Variants in C8orf34 observed in about 807,000 individuals in gnomAD.
The protein encoded by C8orf34 is chromosome 8 open reading frame 34.
Under a neutral mutation model 68.3 loss-of-function variants are expected in C8orf34, and 65 were observed. The observed-to-expected ratio is 0.95, with a 90% CI of 0.78 to 1.17. The LOEUF is 1.17. C8orf34 is among the 50% of genes most tolerant of loss of function. C8orf34 has a pLI of 0.00. For synonymous variants in C8orf34, 244 were observed against 241.2 expected (o/e 1.01, Z -0.11); for missense variants, 664 against 655.4 (o/e 1.01, Z -0.14).
chr8:68,394,086 CA>C (rs1462961042), intron 1 of C8orf34, among the ~76,000 whole-genome samples: 2 of 120,746 alleles, frequency 1.7e-5, no homozygotes, highest in African/African-American at 2.8e-5. Flanking sequence ...GTAGGCATGC[CA>C]TTTTTTTTTT....
At chr8:68,354,944 A>G (rs1194745894) in intron 1 of C8orf34, among the ~76,000 whole-genome samples, 2 of 152,098 alleles carry the variant, frequency 1.3e-5, no homozygotes, top group African/African-American at 4.8e-5. Context: ...CTGTTGAAGT[A>G]AACCAAGCAT....
chr8:68,511,593 A>C (rs1438200056), intron 5 of C8orf34, among the ~76,000 whole-genome samples: 6 of 152,184 alleles, frequency 3.9e-5, no homozygotes, highest in African/African-American at 1.4e-4. Flanking sequence ...ACTAGAGGCA[A>C]GGGGCGAAGA....
At chr8:68,772,757 CCTT>C (rs1223848083) in intron 10 of C8orf34, among the ~76,000 whole-genome samples, 1 of 134,172 alleles carries the variant, frequency 7.5e-6, no homozygotes, top group Non-Finnish European at 1.6e-5. Flanking sequence ...TTCTCTCCTT[CCTT>C]CTTTCCTTCC....
intron 7 of C8orf34, among the ~76,000 whole-genome samples, chr8:68,593,095 G>T (rs1817446061): frequency 6.6e-6 from 1 of 151,950 alleles, no homozygotes; most frequent in Non-Finnish European, 1.5e-5. Context: ...ATTTTCCTGA[G>T]ATTCATCAAT....
chr8:68,747,040 T>C (rs1224150559), intron 10 of C8orf34, among the ~76,000 whole-genome samples: 2 of 149,848 alleles, frequency 1.3e-5, no homozygotes, highest in Non-Finnish European at 3.0e-5. Context: ...TCCACCATGA[T>C]CAAGTGGGCT....
At position 68,426,246 on chromosome 8, in the gene C8orf34, C is replaced by T. The variant is rs879455258; in HGVS notation, c.328-13253C>T. Among the ~76,000 whole-genome samples the T allele has an allele frequency of 1.3e-3, 196 of 151,902 alleles. 1 individual carries two copies. The highest frequency in any genetic ancestry group is 4.5e-3 in the African/African-American group (187 of 41,468). On this transcript the variant is annotated intron_variant, in intron 1 of 13. Transcript: ENST00000518698. ...TAAGGGGGCAAAAAATGGCCGGGTGCGTGGCTCACACCTGTAATCCCAGCA... is the reference window on the plus strand; with the variant it reads ...TAAGGGGGCAAAAAATGGCCGGGTGTGTGGCTCACACCTGTAATCCCAGCA...
chr8:68,692,585 GA>G (rs982072211), intron 8 of C8orf34, among the ~76,000 whole-genome samples: 9 of 151,768 alleles, frequency 5.9e-5, no homozygotes, highest in African/African-American at 1.5e-4. Flanking sequence ...GTTTCTAAGG[GA>G]AAAAAAACTT....
chr8:68,680,030 T>A (rs1442983760), intron 8 of C8orf34, among the ~76,000 whole-genome samples: 1 of 152,042 alleles, frequency 6.6e-6, no homozygotes, highest in Admixed American at 6.6e-5. Context: ...ATATCTTGAG[T>A]TATCTCTACA....
chr8:68,652,208 A>C (rs1417565573), intron 8 of C8orf34, among the ~76,000 whole-genome samples: 1 of 152,190 alleles, frequency 6.6e-6, no homozygotes, highest in Non-Finnish European at 1.5e-5. Context: ...GGCCATGTTG[A>C]TACCTTCTTT....
chr8:68,622,718 A>G (rs984957928), intron 7 of C8orf34, among the ~76,000 whole-genome samples: 1 of 152,210 alleles, frequency 6.6e-6, no homozygotes, highest in East Asian at 1.9e-4. Context: ...AGGACTGGAG[A>G]TGAAACTGAA....
At chr8:68,707,023 A>T (rs1037255285) in intron 8 of C8orf34, among the ~76,000 whole-genome samples, 3 of 152,224 alleles carry the variant, frequency 2.0e-5, no homozygotes, top group African/African-American at 7.2e-5. Context: ...TTTAGAAAGC[A>T]AAGCAAAAAG....
intron 12 of C8orf34, among the ~76,000 whole-genome samples, chr8:68,806,234 A>G (rs1330202887): frequency 6.6e-6 from 1 of 152,046 alleles, no homozygotes; most frequent in Non-Finnish European, 1.5e-5. Flanking sequence ...ATCCATTTAT[A>G]TTTTCCCAGT....
chr8:68,719,483 G>A (rs1284747564), intron 9 of C8orf34, among the ~76,000 whole-genome samples: 1 of 151,934 alleles, frequency 6.6e-6, no homozygotes, highest in East Asian at 1.9e-4. Context: ...CCCTGTAAAT[G>A]TGTTCAAGTA....
At chr8:68,698,865 A>G (rs924413668) in intron 8 of C8orf34, among the ~76,000 whole-genome samples, 8 of 152,062 alleles carry the variant, frequency 5.3e-5, no homozygotes, top group African/African-American at 1.9e-4. Flanking sequence ...CAAGTTAGAG[A>G]AAGAAAAACA....
intron 10 of C8orf34, among the ~76,000 whole-genome samples, chr8:68,775,254 A>G (rs1257827374): frequency 6.6e-6 from 1 of 152,068 alleles, no homozygotes; most frequent in East Asian, 1.9e-4. Context: ...GAAAGTTAAA[A>G]AGATTCTGTA....
chr8:68,688,522 G>A (rs535442077), intron 8 of C8orf34, among the ~76,000 whole-genome samples: 10 of 152,158 alleles, frequency 6.6e-5, no homozygotes, highest in South Asian at 6.2e-4. Context: ...ACATGCGCAC[G>A]TATGTTTATT....
intron 5 of C8orf34, among the ~76,000 whole-genome samples, chr8:68,504,267 A>G (rs990810931): frequency 6.6e-6 from 1 of 152,098 alleles, no homozygotes; most frequent in Non-Finnish European, 1.5e-5. Context: ...TCAGTACTTC[A>G]TTTCTTTTTA....
At chr8:68,776,275 A>C (rs986854067) in intron 10 of C8orf34, 124 bp from the exon 11 acceptor site, 6 of 711,056 alleles carry the variant, frequency 8.4e-6, no homozygotes, top group Non-Finnish European at 1.5e-5. Flanking sequence ...CACAAGTATC[A>C]ACTGAAAAGG....
intron 12 of C8orf34, among the ~76,000 whole-genome samples, chr8:68,790,477 G>A (rs1348018369): frequency 1.3e-5 from 2 of 152,036 alleles, no homozygotes; most frequent in Admixed American, 6.5e-5. Flanking sequence ...ATAACGTCAG[G>A]GGTAATGCAT....
Sources: gnomAD v4.1 joint callset for allele counts (sites outside exome capture counted in the v4.1 genomes callset) on GRCh38, gnomAD v4.1.1 for gene constraint, MANE v1.5 for transcripts, NCBI Gene and HGNC (gene_info 2026-07-23, HGNC 2026-07-21) for gene names.